The following ICAM4 variants were observed in gnomAD, a reference collection of about 807,000 sequenced individuals.
ICAM4 encodes the protein intercellular adhesion molecule 4 (Landsteiner-Wiener blood group).
In ICAM4, 16 loss-of-function variants were observed where a neutral mutation model predicts 18.8. The observed-to-expected ratio is 0.85, with a 90% CI of 0.58 to 1.29. The LOEUF (loss-of-function observed/expected upper bound fraction) is 1.29. Ranked by LOEUF, ICAM4 falls within the 50% of genes most tolerant of loss-of-function variation. ICAM4 has a pLI of 0.00. For synonymous variants in ICAM4, 163 were observed against 163.2 expected, an observed-to-expected ratio of 1.00 and a Z score of 0.01; for missense variants, 338 against 364.3, an observed-to-expected ratio of 0.93 and a Z score of 0.59.
rs774248960 is a variant in ICAM4, at chr19:10,287,274, G to A, written c.262G>A (p.Gly88Ser). ...CAGCCTCCGCACCCCGCTGCGGCAA[G>A]GCAAGACGCTCAGAGGGCCGGGTTG... Reference protein sequence around the residue: ...NSSLRTPLRQGKTLRGPGWVS... With the variant: ...NSSLRTPLRQSKTLRGPGWVS... Residue 88 changes from glycine (G) to serine (S), a missense_variant, in exon 1 of 3, where the codon GGC becomes AGC. Physicochemically the swap from Gly to Ser is moderately conservative, Grantham distance 56. Transcript: ENST00000380770. This position sits in a 1 kb window ranked among gnomAD's most constrained non-coding sequence, Gnocchi z 8.7. The A allele has an allele frequency of 1.2e-6, 2 of 1,613,796 alleles. No individual in the cohort carries two copies. Among genetic ancestry groups the A allele is most frequent in the Non-Finnish European group, 1.7e-6 (2 of 1,180,034 alleles).
Position 10,287,260 on chromosome 19 carries a change from C to T in ICAM4, c.248C>T (p.Thr83Ile). 3.1e-6 allele frequency: 5 copies of T among 1,613,692 alleles called. No individual in the cohort carries two copies. Among genetic ancestry groups the T allele is most frequent in the South Asian group, 1.1e-5 (1 of 91,084 alleles). ...CPQPQNSSLR[T>I]PLRQGKTLRG... ...CAGCCGCAGAATTCCAGCCTCCGCA[C>T]CCCGCTGCGGCAAGGCAAGACGCTC... is the stretch of plus-strand genomic sequence containing the variant. The change falls in exon 1 of 3, where the codon ACC becomes ATC. Residue 83 changes from threonine to isoleucine, a missense_variant. Coordinates refer to ENST00000380770, the MANE Select transcript of ICAM4 (RefSeq NM_001544.5). The surrounding 1 kb of genome is among the most constrained non-coding windows in gnomAD (Gnocchi z 8.7).
rs1177485136 is a variant in ICAM4 at position 10,287,209 on chromosome 19, A to T, written c.197A>T (p.Gln66Leu). The T allele has an allele frequency of 1.2e-6, 2 of 1,613,072 alleles. No individual in the cohort carries two copies. Among genetic ancestry groups the T allele is most frequent in the Admixed American group, 3.3e-5 (2 of 59,988 alleles). The change falls in exon 1 of 3, where the codon CAG becomes CTG. Residue 66 changes from glutamine (Q) to leucine (L), a missense_variant. Gln to Leu is a moderately radical substitution (Grantham distance 113). Coordinates refer to ENST00000380770, the MANE Select transcript of ICAM4 (RefSeq NM_001544.5). This position sits in a 1 kb window ranked among gnomAD's most constrained non-coding sequence, Gnocchi z 8.7. ...GCTGTGCAGCCGGGGAAGTCAGTGCAGCTCAATTGCAGCAACAGCTGTCCC... is the reference window on the plus strand; with the variant it reads ...GCTGTGCAGCCGGGGAAGTCAGTGCTGCTCAATTGCAGCAACAGCTGTCCC... Reference protein sequence around the residue: ...FVAVQPGKSVQLNCSNSCPQP... With the variant: ...FVAVQPGKSVLLNCSNSCPQP...
Position 10,288,142 on chromosome 19 carries a change from G to A in ICAM4, c.*38G>A. 6.2e-7 allele frequency: 1 copy of A among 1,614,106 alleles called. No individual in the cohort carries two copies. Among genetic ancestry groups the A allele is most frequent in the Non-Finnish European group, 8.5e-7 (1 of 1,180,028 alleles). On this transcript the variant is annotated 3_prime_UTR_variant, in exon 3 of 3. Transcript: ENST00000380770. ...TATGCCGGCTGAGCGAGAAAAAGAG[G>A]AATATGAAACAATCTGGGGAAATGG...
chr19:10,288,026 C>T lies in ICAM4; in HGVS notation c.738C>T (p.Ile246=). 6.8e-6 allele frequency: 11 copies of T among 1,614,158 alleles called. No homozygotes were observed. The highest frequency in any genetic ancestry group is 2.2e-5 in the East Asian group (1 of 44,878). ...CCACAGCTTTGGCCTCCGGTTCCATCGCTGCCCTTGTAGGGATCCTCCTCA... is the reference window on the plus strand; with the variant it reads ...CCACAGCTTTGGCCTCCGGTTCCATTGCTGCCCTTGTAGGGATCCTCCTCA... The part of the protein sequence containing the change: ...PAPTALASGS[I]AALVGILLTV... The change falls in exon 3 of 3, where the codon ATC becomes ATT. Residue 246 remains isoleucine (I), a synonymous_variant. Coordinates refer to ENST00000380770, the MANE Select transcript of ICAM4 (RefSeq NM_001544.5).
At position 10,287,856 on chromosome 19, in the gene ICAM4, C is replaced by A; in HGVS notation, c.697+18C>A. The A allele has an allele frequency of 2.5e-6, 4 of 1,609,184 alleles. No individual in the cohort carries two copies. Among genetic ancestry groups the A allele is most frequent in the Non-Finnish European group, 3.4e-6 (4 of 1,179,482 alleles). ...GATGCTCGGTGAGGCACCCCTGTAA[C>A]CCTGGGGACTAGGAGGAAGGGGGCA... On this transcript the variant is annotated intron_variant, in intron 2 of 2. Coordinates refer to ENST00000380770, the MANE Select transcript of ICAM4 (RefSeq NM_001544.5). This position sits in a 1 kb window ranked among gnomAD's most constrained non-coding sequence, Gnocchi z 8.7.
At position 10,287,795 on chromosome 19, in the gene ICAM4, C is replaced by G; in HGVS notation, c.654C>G (p.Gly218=). Residue 218 remains glycine, a synonymous_variant, in exon 2 of 3, where the codon GGC becomes GGG. Coordinates refer to ENST00000380770, the MANE Select transcript of ICAM4 (RefSeq NM_001544.5). The surrounding 1 kb of genome is among the most constrained non-coding windows in gnomAD (Gnocchi z 8.7). ...GCCACGCGCGCCTCAATCTCGACGG[C>G]CTGGTGGTCCGCAACAGCTCGGCAC... ...VICHARLNLD[G]LVVRNSSAPI... is the part of the protein sequence containing the mutation. The G allele has an allele frequency of 6.2e-7, 1 of 1,613,278 alleles. No individual in the cohort carries two copies. The highest frequency in any genetic ancestry group is 8.5e-7 in the Non-Finnish European group (1 of 1,180,038).
In ICAM4 at chr19:10,287,672, C is replaced by T. The variant is rs1408489706; in HGVS notation, c.531C>T (p.Ser177=). Residue 177 remains serine (S), a synonymous_variant, in exon 2 of 3, where the codon TCC becomes TCT. Coordinates refer to ENST00000380770, the MANE Select transcript of ICAM4 (RefSeq NM_001544.5). The surrounding 1 kb of genome is among the most constrained non-coding windows in gnomAD (Gnocchi z 8.7). ...TLRHGSRVIY[S]ESLERFTGLD... ...GGCATGGAAGCCGGGTCATCTATTC[C>T]GAAAGCCTGGAGCGCTTCACCGGCC... 1.2e-6 allele frequency: 2 copies of T among 1,614,104 alleles called. No individual in the cohort carries two copies. Among genetic ancestry groups the T allele is most frequent in the African/African-American group, 1.3e-5 (1 of 75,018 alleles).
In ICAM4 at chr19:10,287,754, T is replaced by C. The variant is rs145323966; in HGVS notation, c.613T>C (p.Trp205Arg). The C allele has an allele frequency of 3.8e-4, 609 of 1,613,862 alleles. 5 individuals carry two copies. Among genetic ancestry groups the C allele is most frequent in the Non-Finnish European group, 2.8e-5 (33 of 1,180,038 alleles). The change falls in exon 2 of 3, where the codon TGG (tryptophan) becomes CGG (arginine). Residue 205 changes from tryptophan to arginine, a missense_variant. Trp to Arg is a moderately radical substitution (Grantham distance 101). Transcript: ENST00000380770. The surrounding 1 kb of genome is among the most constrained non-coding windows in gnomAD (Gnocchi z 8.7). Reference protein sequence around the residue: ...YEFAAGPRDFWQPVICHARLN... With the variant: ...YEFAAGPRDFRQPVICHARLN... ...GTTTGCTGCTGGACCCCGCGACTTC[T>C]GGCAGCCCGTGATCTGCCACGCGCG...
Position 10,288,245 on chromosome 19 carries a change from C to A in ICAM4, c.*141C>A, listed in dbSNP as rs55909127. On this transcript the variant is annotated 3_prime_UTR_variant, in exon 3 of 3. Coordinates refer to ENST00000380770, the MANE Select transcript of ICAM4 (RefSeq NM_001544.5). Reference sequence around the variant, plus strand: ...GGAGAATCGCTTGAGCCCAGGAGTTCGAGACCAGCCTGGACAACATAGTGA... The same window carrying A: ...GGAGAATCGCTTGAGCCCAGGAGTTAGAGACCAGCCTGGACAACATAGTGA... 1 of 1,323,444 alleles carries A rather than the reference C, an allele frequency of 7.6e-7. No individual in the cohort carries two copies. The highest frequency in any genetic ancestry group is 1.2e-5 in the South Asian group (1 of 81,604). 82.0% of individuals were successfully genotyped at this position (1,323,444 alleles called of 1,614,324 possible). A position where few individuals can be genotyped will look rare whatever the true frequency, so the allele number is the denominator to read the frequency against.
rs772322610 is a variant in ICAM4, at chr19:10,288,050, C to T, written c.762C>T (p.Leu254=). 1 of 1,614,204 alleles carries T rather than the reference C, an allele frequency of 6.2e-7. No homozygotes were observed. The highest frequency in any genetic ancestry group is 8.5e-7 in the Non-Finnish European group (1 of 1,180,040). Residue 254 remains leucine (L), a synonymous_variant, in exon 3 of 3, where the codon CTC becomes CTT. Coordinates refer to ENST00000380770, the MANE Select transcript of ICAM4 (RefSeq NM_001544.5). ...TCGCTGCCCTTGTAGGGATCCTCCTCACTGTGGGCGCTGCGTACCTATGCA... is the reference window on the plus strand; with the variant it reads ...TCGCTGCCCTTGTAGGGATCCTCCTTACTGTGGGCGCTGCGTACCTATGCA... ...GSIAALVGIL[L]TVGAAYLCKC...
Position 10,287,898 on chromosome 19 carries a change from C to G in ICAM4, c.697+60C>G. ...AAGGGGGCAGAGAGAGTTATGACCC[C>G]GAGAGGGCGCACAGACCAAGCGTGA... On this transcript the variant is annotated intron_variant, in intron 2 of 2. Transcript: ENST00000380770. This position sits in a 1 kb window ranked among gnomAD's most constrained non-coding sequence, Gnocchi z 8.7. 6.2e-7 allele frequency: 1 copy of G among 1,607,832 alleles called. No individual in the cohort carries two copies. Among genetic ancestry groups the G allele is most frequent in the Non-Finnish European group, 8.5e-7 (1 of 1,177,930 alleles).
rs778549243 is a variant in ICAM4, at chr19:10,287,152, C to T, written c.140C>T (p.Pro47Leu). The T allele has an allele frequency of 1.2e-6, 2 of 1,611,090 alleles. No individual in the cohort carries two copies. The highest frequency in any genetic ancestry group is 2.2e-5 in the East Asian group (1 of 44,790). Residue 47 changes from proline (P) to leucine (L), a missense_variant, in exon 1 of 3, where the codon CCC (proline) becomes CTC (leucine). By Grantham distance (98) the Pro-to-Leu change is moderately conservative. Coordinates refer to ENST00000380770, the MANE Select transcript of ICAM4 (RefSeq NM_001544.5). The surrounding 1 kb of genome is among the most constrained non-coding windows in gnomAD (Gnocchi z 8.7). ...SPLAPSGTSV[P>L]FWVRMSPEFV... ...CTCGCGCCCTCCGGGACCTCAGTGC[C>T]CTTCTGGGTGCGCATGAGCCCGGAG...
chr19:10,287,783 C>T lies in ICAM4; in HGVS notation c.642C>T (p.Leu214=). Residue 214 remains leucine, a synonymous_variant, in exon 2 of 3, where the codon CTC becomes CTT. Coordinates refer to ENST00000380770, the MANE Select transcript of ICAM4 (RefSeq NM_001544.5). This position sits in a 1 kb window ranked among gnomAD's most constrained non-coding sequence, Gnocchi z 8.7. Reference sequence around the variant, plus strand: ...AGCCCGTGATCTGCCACGCGCGCCTCAATCTCGACGGCCTGGTGGTCCGCA... The same window carrying T: ...AGCCCGTGATCTGCCACGCGCGCCTTAATCTCGACGGCCTGGTGGTCCGCA... The part of the protein sequence containing the change: ...FWQPVICHAR[L]NLDGLVVRNS... The T allele has an allele frequency of 6.2e-7, 1 of 1,613,600 alleles. No individual in the cohort carries two copies. Among genetic ancestry groups the T allele is most frequent in the Non-Finnish European group, 8.5e-7 (1 of 1,180,040 alleles).
At position 10,287,526 on chromosome 19, in the gene ICAM4, C is replaced by T. The variant is rs2040126627; in HGVS notation, c.395-10C>T. ...CGCGGACCTCACTCAGAGGCTCCCC[C>T]TTGCCTTAGAACCGCCCCACAGCGT... On this transcript the variant is annotated splice_polypyrimidine_tract_variant and intron_variant, in intron 1 of 2. Coordinates refer to ENST00000380770, the MANE Select transcript of ICAM4 (RefSeq NM_001544.5). This position sits in a 1 kb window ranked among gnomAD's most constrained non-coding sequence, Gnocchi z 8.7. The T allele has an allele frequency of 6.2e-7, 1 of 1,610,242 alleles. No individual in the cohort carries two copies. The highest frequency in any genetic ancestry group is 8.5e-7 in the Non-Finnish European group (1 of 1,177,248).
Position 10,287,939 on chromosome 19 carries a change from A to G in ICAM4, c.698-47A>G, listed in dbSNP as rs919910191. On this transcript the variant is annotated intron_variant, in intron 2 of 2. Transcript: ENST00000380770. The surrounding 1 kb of genome is among the most constrained non-coding windows in gnomAD (Gnocchi z 8.7). ...CCAAGCGTGAGCTCCACGCGGGTCG[A>G]CAGACCTCCCTGTGTTCCGTTCCTA... 4 of 1,612,202 alleles carry G rather than the reference A, an allele frequency of 2.5e-6. No homozygotes were observed. In the African/African-American group the frequency reaches 5.3e-5, roughly 22 times the overall value.
rs754832864 is a variant in ICAM4, at chr19:10,288,112, T to A, written c.*8T>A. On this transcript the variant is annotated 3_prime_UTR_variant, in exon 3 of 3. Coordinates refer to ENST00000380770, the MANE Select transcript of ICAM4 (RefSeq NM_001544.5). ...ATGAAGTCCCAGGCGTAAAGGGGGA[T>A]GTTCTATGCCGGCTGAGCGAGAAAA... 8.7e-6 allele frequency: 14 copies of A among 1,614,060 alleles called. No homozygotes were observed. The South Asian group carries it at 1.5e-4, about 18-fold the overall frequency.
chr19:10,288,507 G>A lies in ICAM4; in HGVS notation c.*403G>A, dbSNP rs1258106256. On this transcript the variant is annotated 3_prime_UTR_variant, in exon 3 of 3. Coordinates refer to ENST00000380770, the MANE Select transcript of ICAM4 (RefSeq NM_001544.5). ...GGGGGAACCCTCTGGAATCAATAAA[G>A]GCTTCCTTAACCAGCCTCTGTCCTG... 1 of 304,832 alleles carries A rather than the reference G, an allele frequency of 3.3e-6. No homozygotes were observed. The highest frequency in any genetic ancestry group is 4.7e-5 in the Admixed American group (1 of 21,468). 18.9% of individuals were successfully genotyped at this position (304,832 alleles called of 1,614,324 possible). A position where few individuals can be genotyped will look rare whatever the true frequency, so the allele number is the denominator to read the frequency against.
chr19:10,287,345 G>T lies in ICAM4; in HGVS notation c.333G>T (p.Ala111=), dbSNP rs375921978. 8.0e-5 allele frequency: 129 copies of T among 1,612,118 alleles called. 5 individuals carry two copies. The Middle Eastern group carries it at 9.9e-4, about 12-fold the overall frequency. Residue 111 remains alanine, a synonymous_variant, in exon 1 of 3, where the codon GCG becomes GCT. Transcript: ENST00000380770. The surrounding 1 kb of genome is among the most constrained non-coding windows in gnomAD (Gnocchi z 8.7). ...LLDVRAWSSL[A]HCLVTCAGKT... is the part of the protein sequence containing the mutation. ...ACGTGAGGGCCTGGAGCTCCCTCGC[G>T]CACTGCCTCGTGACCTGCGCAGGAA...
Position 10,287,174 on chromosome 19 carries a change from G to A in ICAM4, c.162G>A (p.Pro54=). Residue 54 remains proline (P), a synonymous_variant, in exon 1 of 3, where the codon CCG becomes CCA. Transcript: ENST00000380770. This position sits in a 1 kb window ranked among gnomAD's most constrained non-coding sequence, Gnocchi z 8.7. ...TGCCCTTCTGGGTGCGCATGAGCCC[G>A]GAGTTCGTGGCTGTGCAGCCGGGGA... ...TSVPFWVRMS[P]EFVAVQPGKS... 1 of 1,611,614 alleles carries A rather than the reference G, an allele frequency of 6.2e-7. No individual in the cohort carries two copies. The highest frequency in any genetic ancestry group is 8.5e-7 in the Non-Finnish European group (1 of 1,178,690).
Sources: allele counts gnomAD v4.1 joint callset, GRCh38; gene constraint gnomAD v4.1.1; non-coding constraint Gnocchi (gnomAD v3.1); transcripts MANE v1.5; gene names NCBI Gene and HGNC (gene_info 2026-07-23, HGNC 2026-07-21).